The following PDE7B variants were observed in gnomAD, a reference collection of about 807,000 sequenced individuals.
The protein encoded by PDE7B is 3',5'-cyclic-AMP phosphodiesterase 7B.
PDE7B carries 29 observed loss-of-function variants against 56.2 expected under a neutral mutation model. That is an observed-to-expected ratio of 0.52 (90% CI 0.38 to 0.70). The LOEUF is 0.70. Among genes scored for constraint, PDE7B ranks in the 30% least tolerant of loss-of-function variants. PDE7B has a pLI of 0.00. For synonymous variants in PDE7B, 197 were observed against 196.9 expected, an observed-to-expected ratio of 1.00 and a Z score of 0.00; for missense variants, 490 against 565.0, an observed-to-expected ratio of 0.87 and a Z score of 1.35.
At chr6:136,009,742 A>G (rs1412044360) in intron 2 of PDE7B, among the ~76,000 whole-genome samples, 1 of 152,192 alleles carries the variant, frequency 6.6e-6, no homozygotes, top group Non-Finnish European at 1.5e-5. Flanking sequence ...GGCTAAGACG[A>G]TGGGGTTTTC....
chr6:135,978,856 G>C (rs1199444509), intron 2 of PDE7B, among the ~76,000 whole-genome samples: 3 of 151,874 alleles, frequency 2.0e-5, no homozygotes, highest in Admixed American at 2.0e-4. Context: ...TTTCCTGATT[G>C]AATACCCTTT....
At chr6:136,041,100 T>A (rs1227013391) in intron 2 of PDE7B, among the ~76,000 whole-genome samples, 1 of 152,236 alleles carries the variant, frequency 6.6e-6, no homozygotes, top group Non-Finnish European at 1.5e-5. Flanking sequence ...TTTTAAACCA[T>A]GAAATTGCAG....
Position 135,937,981 on chromosome 6 carries a change from A to G in PDE7B, c.22-9483A>G, listed in dbSNP as rs376349836. Among the ~76,000 whole-genome samples the G allele has an allele frequency of 9.8e-5, 15 of 152,306 alleles. 1 individual carries two copies. Among genetic ancestry groups the G allele is most frequent in the East Asian group, 5.8e-4 (3 of 5,188 alleles). On this transcript the variant is annotated intron_variant, in intron 1 of 12. Transcript: ENST00000308191. ...GCAGGCCCCATTATGGTTTTAGGGT[A>G]TATAAGATGGTTTCTCATATATTAC... is the stretch of plus-strand genomic sequence containing the variant.
chr6:135,981,034 C>G, intron 2 of PDE7B, among the ~76,000 whole-genome samples: 4 of 144,530 alleles, frequency 2.8e-5, no homozygotes, highest in South Asian at 2.3e-4. Flanking sequence ...GGAACCAACC[C>G]AAATGTCCAA....
chr6:136,086,894 A>G (rs2128215700), intron 2 of PDE7B, among the ~76,000 whole-genome samples: 1 of 152,350 alleles, frequency 6.6e-6, no homozygotes, highest in African/African-American at 2.4e-5. Context: ...GCCAGCTGTT[A>G]TTCCCATTGG....
intron 2 of PDE7B, among the ~76,000 whole-genome samples, chr6:136,051,949 T>C (rs796212372): frequency 2.0e-5 from 3 of 152,028 alleles, no homozygotes; most frequent in African/African-American, 7.2e-5. Flanking sequence ...TTGACCATTA[T>C]ATAATAAGCA....
At chr6:136,028,047 A>G (rs1372919720) in intron 2 of PDE7B, among the ~76,000 whole-genome samples, 1 of 152,222 alleles carries the variant, frequency 6.6e-6, no homozygotes, top group African/African-American at 2.4e-5. Flanking sequence ...CTTGTAAACA[A>G]TTTTAAGAGA....
At chr6:135,864,638 G>A (rs571188622) in intron 1 of PDE7B, among the ~76,000 whole-genome samples, 1 of 152,038 alleles carries the variant, frequency 6.6e-6, no homozygotes, top group Non-Finnish European at 1.5e-5. Flanking sequence ...GTTTTGCCAT[G>A]ATTACTTAGG....
chr6:136,165,522 GTT>G (rs1562510768), intron 8 of PDE7B: 1 of 152,140 alleles, frequency 6.6e-6, no homozygotes, highest in Non-Finnish European at 1.5e-5. Flanking sequence ...CTTCATAAAA[GTT>G]GGGCAGTTGG....
At chr6:135,948,506 C>G (rs1046507399) in intron 2 of PDE7B, among the ~76,000 whole-genome samples, 1 of 151,852 alleles carries the variant, frequency 6.6e-6, no homozygotes, top group Non-Finnish European at 1.5e-5. Flanking sequence ...AGGCAAAGAT[C>G]TTGGTAATTT....
intron 2 of PDE7B, among the ~76,000 whole-genome samples, chr6:135,984,171 G>A (rs1163602655): frequency 1.3e-5 from 2 of 152,232 alleles, no homozygotes; most frequent in African/African-American, 4.8e-5. Flanking sequence ...TCATCAGCCA[G>A]AGCTGTTGAT....
chr6:135,937,300 C>A (rs1488772913), intron 1 of PDE7B, among the ~76,000 whole-genome samples: 1 of 152,204 alleles, frequency 6.6e-6, no homozygotes, highest in Admixed American at 6.5e-5. Context: ...CCACGGCCTG[C>A]AGCATCTAGG....
intron 12 of PDE7B, among the ~76,000 whole-genome samples, chr6:136,188,460 C>G (rs1779174849): frequency 6.6e-6 from 1 of 152,128 alleles, no homozygotes; most frequent in Admixed American, 6.5e-5. Context: ...GGAGGCAATT[C>G]TCTCCTATCA....
At chr6:136,077,794 A>T (rs2128214718) in intron 2 of PDE7B, among the ~76,000 whole-genome samples, 1 of 152,334 alleles carries the variant, frequency 6.6e-6, no homozygotes, top group East Asian at 1.9e-4. Context: ...CAAATGTATG[A>T]CATAGTTTCT....
intron 2 of PDE7B, among the ~76,000 whole-genome samples, chr6:136,104,490 C>T (rs953005849): frequency 8.5e-5 from 13 of 152,188 alleles, no homozygotes; most frequent in African/African-American, 2.9e-4. Context: ...AGCCCAGTAG[C>T]CTCTGCTCCT....
chr6:136,146,274 C>T (rs569438918), intron 3 of PDE7B, among the ~76,000 whole-genome samples: 22 of 152,302 alleles, frequency 1.4e-4, no homozygotes, highest in Admixed American at 5.9e-4. Flanking sequence ...TGGCAGCAGA[C>T]GTCACTAATG....
intron 12 of PDE7B, among the ~76,000 whole-genome samples, chr6:136,187,329 T>G (rs1215163688): frequency 2.0e-5 from 3 of 152,228 alleles, no homozygotes; most frequent in Non-Finnish European, 4.4e-5. Context: ...GATCGAAGCT[T>G]TGTTATAGGC....
chr6:136,095,084 G>A (rs1256529731), intron 2 of PDE7B, among the ~76,000 whole-genome samples: 1 of 152,100 alleles, frequency 6.6e-6, no homozygotes, highest in Non-Finnish European at 1.5e-5. Flanking sequence ...CACTTTCTTG[G>A]CTATTCAGTA....
chr6:136,074,375 G>A (rs376795585), intron 2 of PDE7B, among the ~76,000 whole-genome samples: 50 of 151,912 alleles, frequency 3.3e-4, no homozygotes, highest in African/African-American at 1.0e-3. Context: ...CATCATAATC[G>A]CATCAAGGTA....
Sources: allele counts gnomAD v4.1 joint callset (sites outside exome capture counted in the v4.1 genomes callset), GRCh38; gene constraint gnomAD v4.1.1; transcripts MANE v1.5; gene names NCBI Gene and HGNC (gene_info 2026-07-23, HGNC 2026-07-21).